The following MTA3 variants were observed in gnomAD, a reference collection of about 807,000 sequenced individuals.
MTA3 encodes the protein metastasis-associated protein MTA3.
Under a neutral mutation model 83.5 loss-of-function variants are expected in MTA3, and 34 were observed. That is an observed-to-expected ratio of 0.41 (90% CI 0.31 to 0.54). The LOEUF (loss-of-function observed/expected upper bound fraction) is 0.54, where lower values mean the gene tolerates loss of function less well. Ranked by LOEUF, MTA3 falls within the 20% of genes least tolerant of loss-of-function variation. The pLI, the probability that MTA3 is intolerant of heterozygous loss-of-function variation, is 0.33. For missense variants in MTA3, 761 were observed against 726.4 expected, an observed-to-expected ratio of 1.05 and a Z score of -0.55; for synonymous variants, 303 against 252.7, an observed-to-expected ratio of 1.20 and a Z score of -1.89.
At chr2:42,708,800 T>G (rs1413204251) in intron 13 of MTA3, 74 bp from the exon 14 acceptor site, 3 of 1,502,768 alleles carry the variant, frequency 2.0e-6, no homozygotes, top group Non-Finnish European at 2.7e-6. Flanking sequence ...ACTTTTCTTT[T>G]GAGCATGATG....
chr2:42,754,867 G>T lies in MTA3; in HGVS notation c.*1468G>T, dbSNP rs775897816. On this transcript the variant is annotated 3_prime_UTR_variant, in exon 17 of 17. Transcript: ENST00000405094. ...CTGAGCTCCGCTTGGCAGAGAGAGC[G>T]TGCTGTGTGAGGTGGAGGGCGGTTT... 21 of 985,482 alleles carry T rather than the reference G, an allele frequency of 2.1e-5. No homozygotes were observed. The highest frequency in any genetic ancestry group is 6.1e-5 in the Admixed American group (1 of 16,274). The allele number at this position is 985,482 out of a possible 1,614,324, so 61.0% of individuals were successfully genotyped here.
At chr2:42,667,584 G>GTGTGTGTGTGTTTT (rs1558562255) in intron 8 of MTA3, among the ~76,000 whole-genome samples, 1 of 129,334 alleles carries the variant, frequency 7.7e-6, no homozygotes, top group African/African-American at 3.1e-5. Context: ...GTGTGTGTGT[G>GTGTGTGTGTGTTTT]TGTGTGTGTG....
intron 5 of MTA3, among the ~76,000 whole-genome samples, chr2:42,641,330 A>G (rs1045117699): frequency 6.6e-6 from 1 of 152,088 alleles, no homozygotes; most frequent in Non-Finnish European, 1.5e-5. Context: ...TAGAAAACCT[A>G]ATAGGAAATA....
In MTA3 at chr2:42,499,145, C is replaced by T. The variant is rs148726931; in HGVS notation, c.-141+3891C>T. 1.9e-3 allele frequency among the ~76,000 whole-genome samples: 293 copies of T among 151,892 alleles called. 1 individual carries two copies. Among genetic ancestry groups the T allele is most frequent in the African/African-American group, 6.6e-3 (275 of 41,448 alleles). ...ATATTCAATAGTACTATAATGCATACTTAAGCATTTGCTAAGAGGGTAGAT... is the reference window on the plus strand; with the variant it reads ...ATATTCAATAGTACTATAATGCATATTTAAGCATTTGCTAAGAGGGTAGAT... On this transcript the variant is annotated intron_variant, in intron 2 of 17. Coordinates refer to the MTA3 transcript ENST00000405592.
chr2:42,678,191 T>C (rs1474979046), intron 8 of MTA3, among the ~76,000 whole-genome samples: 2 of 152,074 alleles, frequency 1.3e-5, no homozygotes, highest in African/African-American at 4.8e-5. Context: ...GGAAATTCAC[T>C]TCAAAGTTGG....
chr2:42,667,580 G>GTGTGTGTGTGTT lies in MTA3; in HGVS notation c.702+7729_702+7730insTTGTGTGTGTGT, dbSNP rs1558562216. 4.4e-3 allele frequency among the ~76,000 whole-genome samples: 566 copies of GTGTGTGTGTGTT among 127,200 alleles called. 8 individuals are homozygous for GTGTGTGTGTGTT. The highest frequency in any genetic ancestry group is 0.017 in the Admixed American group (193 of 11,254). 83.4% of individuals were successfully genotyped at this position (127,200 alleles called of 152,430 possible). On this transcript the variant is annotated intron_variant, in intron 8 of 16. Coordinates refer to ENST00000405094, the MANE Select transcript of MTA3 (RefSeq NM_001330442.2). ...TCCATCATTTAAAAATTGTGTGTGT[G>GTGTGTGTGTGTT]TGTGTGTGTGTGTGTGTGTGTGTGT...
At chr2:42,658,007 G>A (rs1382893891) in intron 7 of MTA3, among the ~76,000 whole-genome samples, 1 of 146,774 alleles carries the variant, frequency 6.8e-6, no homozygotes, top group Non-Finnish European at 1.5e-5. Flanking sequence ...GCGAGACGGA[G>A]GTTGCAGTAA....
At chr2:42,609,914 C>G (rs1228566090) in intron 4 of MTA3, among the ~76,000 whole-genome samples, 1 of 152,146 alleles carries the variant, frequency 6.6e-6, no homozygotes, top group Non-Finnish European at 1.5e-5. Flanking sequence ...GCCTGGCCAA[C>G]ACGGTGAAAC....
intron 6 of MTA3, among the ~76,000 whole-genome samples, chr2:42,645,502 G>A (rs1183398495): frequency 4.0e-5 from 6 of 150,764 alleles, no homozygotes; most frequent in Non-Finnish European, 8.8e-5. Context: ...TCCAGCTTGG[G>A]CAACAGAGTG....
chr2:42,520,620 G>T (rs1675381355), intron 2 of MTA3, among the ~76,000 whole-genome samples: 1 of 150,260 alleles, frequency 6.7e-6, no homozygotes, highest in South Asian at 2.1e-4. Context: ...TCACTATGTT[G>T]TCCAGGCTGG....
chr2:42,724,275 AAAACACACACACACACACAC>A lies in MTA3; in HGVS notation c.1759+1242_1759+1261del, dbSNP rs1227385952. On this transcript the variant is annotated intron_variant, in intron 16 of 16. Coordinates refer to ENST00000405094, the MANE Select transcript of MTA3 (RefSeq NM_001330442.2). ...GTAGAAGGTATAAAGTAAGTCCTGA[AAAACACACACACACACACAC>A]ACACACACACACACACACACACACA... Among the ~76,000 whole-genome samples, 30 of 82,240 alleles carry A rather than the reference AAAACACACACACACACACAC, an allele frequency of 3.6e-4. No individual in the cohort carries two copies. The South Asian group carries it at 5.1e-3, about 14-fold the overall frequency. 54.0% of individuals were successfully genotyped at this position (82,240 alleles called of 152,430 possible).
intron 4 of MTA3, among the ~76,000 whole-genome samples, chr2:42,610,129 A>G (rs1204666487): frequency 6.6e-6 from 1 of 152,160 alleles, no homozygotes; most frequent in Admixed American, 6.5e-5. Context: ...ACAATAAGAC[A>G]ATAAAAATCG....
At chr2:42,498,893 T>A (rs1352149694) in intron 2 of MTA3, among the ~76,000 whole-genome samples, 1 of 152,156 alleles carries the variant, frequency 6.6e-6, no homozygotes, top group Non-Finnish European at 1.5e-5. Flanking sequence ...ATCAGTAACT[T>A]GGTTTCCTTA....
intron 3 of MTA3, among the ~76,000 whole-genome samples, chr2:42,588,052 T>C (rs966929966): frequency 6.6e-6 from 1 of 152,176 alleles, no homozygotes; most frequent in Non-Finnish European, 1.5e-5. Context: ...ATAATAATAG[T>C]ATACATTGTA....
At position 42,659,811 on chromosome 2, in the gene MTA3, G is replaced by A; in HGVS notation, c.651G>A (p.Arg217=). The A allele has an allele frequency of 6.2e-7, 1 of 1,608,616 alleles. No individual in the cohort carries two copies. The highest frequency in any genetic ancestry group is 8.5e-7 in the Non-Finnish European group (1 of 1,177,474). ...CCCTGGATTGCAGCAGTTCTGTGAG[G>A]CAGCCTAGTTTGCATATGAGTGCTG... ...ARALDCSSSV[R]QPSLHMSAAA... is the part of the protein sequence containing the mutation. Residue 217 remains arginine (R), a synonymous_variant, in exon 8 of 17, where the codon AGG becomes AGA. Transcript: ENST00000405094.
At chr2:42,633,187 T>C (rs901508064) in intron 4 of MTA3, among the ~76,000 whole-genome samples, 9 of 151,244 alleles carry the variant, frequency 6.0e-5, no homozygotes, top group African/African-American at 2.2e-4. Context: ...CGTTTGAACC[T>C]GGAAGGCAGA....
intron 3 of MTA3, among the ~76,000 whole-genome samples, 195 bp from the exon 4 acceptor site, chr2:42,609,263 T>G (rs1001292774): frequency 6.6e-6 from 1 of 152,092 alleles, no homozygotes. Flanking sequence ...ACACCTGACC[T>G]CAGGTGATCC....
At chr2:42,710,241 G>A (rs1666483339) in intron 14 of MTA3, among the ~76,000 whole-genome samples, 1 of 152,096 alleles carries the variant, frequency 6.6e-6, no homozygotes, top group South Asian at 2.1e-4. Context: ...AGCTCTATAA[G>A]AAGAAAAATG....
intron 14 of MTA3, among the ~76,000 whole-genome samples, chr2:42,710,062 C>T (rs1037245320): frequency 2.0e-5 from 3 of 152,042 alleles, no homozygotes; most frequent in Non-Finnish European, 2.9e-5. Context: ...GCTGTCTGGC[C>T]TAACAGATAG....
Sources: gnomAD v4.1 joint callset for allele counts (sites outside exome capture counted in the v4.1 genomes callset) on GRCh38, gnomAD v4.1.1 for gene constraint, MANE v1.5 for transcripts, NCBI Gene and HGNC (gene_info 2026-07-23, HGNC 2026-07-21) for gene names.